The following CCDC33 variants were observed in gnomAD, a reference collection of about 807,000 sequenced individuals.
CCDC33 encodes the protein coiled-coil domain containing 33.
A neutral mutation model predicts 91.9 loss-of-function variants in CCDC33; 94 were observed. The ratio of observed to expected loss-of-function variants is 1.02; its 90% CI spans 0.87 to 1.21. The LOEUF (loss-of-function observed/expected upper bound fraction) is 1.21, where lower values mean the gene tolerates loss of function less well. Among genes scored for constraint, CCDC33 ranks in the 50% most tolerant of loss-of-function variants. CCDC33 has a pLI of 0.00. For missense variants in CCDC33, 940 were observed against 935.5 expected (o/e 1.00, Z -0.06); for synonymous variants, 396 against 374.5 (o/e 1.06, Z -0.66).
At chr15:74,246,056 T>G (rs1164340717) in intron 2 of CCDC33, among the ~76,000 whole-genome samples, 1 of 152,136 alleles carries the variant, frequency 6.6e-6, no homozygotes, top group Non-Finnish European at 1.5e-5. Flanking sequence ...TGGAAAGAAT[T>G]TATATCCCTG....
intron 11 of CCDC33, among the ~76,000 whole-genome samples, chr15:74,321,079 C>T (rs1014316517): frequency 6.6e-6 from 1 of 152,134 alleles, no homozygotes; most frequent in Non-Finnish European, 1.5e-5. Context: ...AGCAAATTTT[C>T]AGGCACAACC....
At chr15:74,229,962 A>G (rs570008475) in intron 2 of CCDC33, among the ~76,000 whole-genome samples, 1 of 152,240 alleles carries the variant, frequency 6.6e-6, no homozygotes, top group Non-Finnish European at 1.5e-5. Context: ...GGAAGGTTGC[A>G]GCGAATCTTT....
At chr15:74,279,882 A>T (rs2076546200) in intron 7 of CCDC33, 81 bp from the exon 8 acceptor site, 1 of 1,531,114 alleles carries the variant, frequency 6.5e-7, no homozygotes, top group East Asian at 2.3e-5. Context: ...AAATCTAGAT[A>T]CACAAAACCA....
chr15:74,224,143 A>AGAGAGAG (rs2074709309), intron 2 of CCDC33, among the ~76,000 whole-genome samples: 1 of 152,018 alleles, frequency 6.6e-6, no homozygotes, highest in South Asian at 2.1e-4. Context: ...ACCATGGCGG[A>AGAGAGAG]GAGAGAGGTG....
intron 3 of CCDC33, among the ~76,000 whole-genome samples, chr15:74,263,791 C>G (rs769149938): frequency 2.0e-5 from 3 of 151,994 alleles, no homozygotes; most frequent in African/African-American, 7.3e-5. Flanking sequence ...TGTGTGTGCG[C>G]GTGGGTGTGT....
chr15:74,306,903 G>A (rs2059903511), intron 11 of CCDC33, among the ~76,000 whole-genome samples: 1 of 152,208 alleles, frequency 6.6e-6, no homozygotes, highest in African/African-American at 2.4e-5. Flanking sequence ...GACTTGAGGA[G>A]TCAGCCTGAC....
In CCDC33 at chr15:74,268,323, G is replaced by GC. The variant is rs1381607638; in HGVS notation, c.430-15dup. ...ACACTCTCCTTCCTCTGTGTCTTCT[G>GC]CCCCAACCCTGTCTCCAGCCCACTG... On this transcript the variant is annotated intron_variant, in intron 4 of 18. Coordinates refer to ENST00000398814, the MANE Select transcript of CCDC33 (RefSeq NM_025055.5). The GC allele has an allele frequency of 6.3e-7, 1 of 1,583,250 alleles. No homozygotes were observed. The highest frequency in any genetic ancestry group is 8.7e-7 in the Non-Finnish European group (1 of 1,152,310).
chr15:74,293,908 C>T (rs1224097155), intron 10 of CCDC33, among the ~76,000 whole-genome samples: 1 of 152,174 alleles, frequency 6.6e-6, no homozygotes, highest in Non-Finnish European at 1.5e-5. Context: ...GTCCCTTACT[C>T]TATAGACATG....
In CCDC33 at chr15:74,275,769, A is replaced by G. The variant is rs2062397; in HGVS notation, c.759+2878A>G. ...ACTGCAACCTCTGCCTCCTGGGTTC[A>G]AGCAATTCTCCTGCCTCAGCCTCCC... On this transcript the variant is annotated intron_variant, in intron 7 of 18. Coordinates refer to ENST00000398814, the MANE Select transcript of CCDC33 (RefSeq NM_025055.5). 9.1e-4 allele frequency among the ~76,000 whole-genome samples: 139 copies of G among 152,152 alleles called. 2 individuals are homozygous for G. The East Asian group carries it at 0.015, about 16-fold the overall frequency.
intron 2 of CCDC33, among the ~76,000 whole-genome samples, chr15:74,257,542 G>T (rs1198703901): frequency 6.6e-6 from 1 of 152,208 alleles, no homozygotes; most frequent in Non-Finnish European, 1.5e-5. Context: ...GGCTTCAGAA[G>T]ACACTGATTG....
At chr15:74,280,900 C>T (rs950087961) in intron 9 of CCDC33, 99 bp downstream of exon 9, 3 of 1,213,950 alleles carry the variant, frequency 2.5e-6, no homozygotes, top group South Asian at 2.9e-5. Flanking sequence ...GAGAATTTGG[C>T]TTCTCCAGAA....
intron 1 of CCDC33, among the ~76,000 whole-genome samples, chr15:74,208,555 G>C (rs561612360): frequency 6.6e-6 from 1 of 152,262 alleles, no homozygotes; most frequent in South Asian, 2.1e-4. Flanking sequence ...ATCCAACTCA[G>C]ACAGGACTCT....
At chr15:74,230,781 G>A (rs1185369129) in intron 2 of CCDC33, among the ~76,000 whole-genome samples, 1 of 152,096 alleles carries the variant, frequency 6.6e-6, no homozygotes. Flanking sequence ...TCTAATCCTC[G>A]CCACCACCCT....
intron 1 of CCDC33, among the ~76,000 whole-genome samples, chr15:74,237,372 C>A (rs1001160711): frequency 2.0e-5 from 3 of 152,162 alleles, no homozygotes; most frequent in Admixed American, 1.3e-4. Context: ...GTAAGGGACC[C>A]CTTACCTTCC....
At chr15:74,266,636 T>C in intron 3 of CCDC33, 42 bp from the exon 4 acceptor site, 1 of 1,342,394 alleles carries the variant, frequency 7.4e-7, no homozygotes, top group Non-Finnish European at 1.1e-6. Context: ...GAGAAAGGGA[T>C]CCATTTAAAA....
chr15:74,274,625 A>G (rs1056478943), intron 7 of CCDC33, among the ~76,000 whole-genome samples: 2 of 152,214 alleles, frequency 1.3e-5, no homozygotes, highest in Non-Finnish European at 2.9e-5. Flanking sequence ...TGATTTCCCT[A>G]GAGTTACCTC....
chr15:74,271,681 C>CCTCCA (rs1566986884), intron 5 of CCDC33, 22 bp from the exon 6 acceptor site: 3 of 1,591,316 alleles, frequency 1.9e-6, no homozygotes, highest in Non-Finnish European at 2.6e-6. Flanking sequence ...TGTTCACCTG[C>CCTCCA]CTCCTCTCCT....
chr15:74,336,259 A>G, downstream of CCDC33: 5 of 1,419,682 alleles, frequency 3.5e-6, no homozygotes, highest in Middle Eastern at 5.6e-4. Context: ...CGCCTGCCCC[A>G]GGAGCCAGCA....
At chr15:74,281,921 T>G in intron 10 of CCDC33, 72 bp downstream of exon 10, 1 of 1,371,728 alleles carries the variant, frequency 7.3e-7, no homozygotes, top group African/African-American at 1.4e-5. Context: ...CCTTCACAAT[T>G]GCTGGCTTTG....
Sources: gnomAD v4.1 joint callset for allele counts (sites outside exome capture counted in the v4.1 genomes callset) on GRCh38, gnomAD v4.1.1 for gene constraint, MANE v1.5 for transcripts, NCBI Gene and HGNC (gene_info 2026-07-23, HGNC 2026-07-21) for gene names.